GPR155: variants seen among roughly 807,000 people sequenced by gnomAD.
The protein encoded by GPR155 is G protein-coupled receptor 155, also known as lysosomal cholesterol signaling protein.
In GPR155, 65 loss-of-function variants were observed where a neutral mutation model predicts 93.1. The ratio of observed to expected loss-of-function variants is 0.70; its 90% confidence interval spans 0.57 to 0.86. GPR155 has a LOEUF of 0.86. Ranked by LOEUF, GPR155 falls within the 40% of genes least tolerant of loss-of-function variation. GPR155 has a pLI of 0.00. For synonymous variants in GPR155, 319 were observed against 360.1 expected, an observed-to-expected ratio of 0.89 and a Z score of 1.29; for missense variants, 838 against 1,034.8, an observed-to-expected ratio of 0.81 and a Z score of 2.61.
chr2:174,478,513 T>A (rs1213477440), intron 2 of GPR155, among the ~76,000 whole-genome samples: 3 of 152,182 alleles, frequency 2.0e-5, no homozygotes, highest in Non-Finnish European at 4.4e-5. Flanking sequence ...AGCCACCATG[T>A]CCAGCCTTCT....
At chr2:174,485,463 G>T (rs1350138582) in intron 1 of GPR155, among the ~76,000 whole-genome samples, 2 of 152,094 alleles carry the variant, frequency 1.3e-5, no homozygotes, top group Non-Finnish European at 2.9e-5. Flanking sequence ...CGGGCTTGGT[G>T]GCAGATGCCT....
In GPR155 at chr2:174,460,035, GGAT is replaced by G; in HGVS notation, c.1611_1613del (p.Ser538del). 6.2e-7 allele frequency: 1 copy of G among 1,613,964 alleles called. No individual in the cohort carries two copies. The highest frequency in any genetic ancestry group is 8.5e-7 in the Non-Finnish European group (1 of 1,179,994). ...GGGCAGTCTGGTTCATGCACATGAG[GGAT>G]ATGCCAGCTATCAGGATGCTGCAGA... On this transcript the variant is annotated inframe_deletion, in exon 10 of 16. Transcript: ENST00000392552.
At chr2:174,484,284 A>G (rs1688412139) in intron 1 of GPR155, among the ~76,000 whole-genome samples, 1 of 152,254 alleles carries the variant, frequency 6.6e-6, no homozygotes, top group African/African-American at 2.4e-5. Context: ...ACAGATACAC[A>G]TACTTGAAGT....
intron 3 of GPR155, among the ~76,000 whole-genome samples, 179 bp downstream of exon 3, chr2:174,472,786 G>A (rs1462997815): frequency 1.3e-5 from 2 of 152,102 alleles, no homozygotes; most frequent in Non-Finnish European, 2.9e-5. Context: ...ATAAGCTACT[G>A]GGAATAAGGA....
At chr2:174,459,559 T>C (rs545204816) in intron 10 of GPR155, among the ~76,000 whole-genome samples, 5 of 152,366 alleles carry the variant, frequency 3.3e-5, no homozygotes, top group Non-Finnish European at 7.3e-5. Flanking sequence ...AGTTTCTTTA[T>C]ATTTAAAGAT....
At chr2:174,473,430 A>C in intron 2 of GPR155, 66 bp from the exon 3 acceptor site, 1 of 1,076,244 alleles carries the variant, frequency 9.3e-7, no homozygotes, top group Admixed American at 2.5e-5. Context: ...TTATGTATAT[A>C]ACATTTTCTG....
In GPR155 at chr2:174,436,224, T is replaced by C. The variant is rs1308039305; in HGVS notation, c.2505A>G (p.Gln835=). 1.9e-6 allele frequency: 3 copies of C among 1,613,920 alleles called. No individual in the cohort carries two copies. The highest frequency in any genetic ancestry group is 2.2e-5 in the East Asian group (1 of 44,898). Residue 835 remains glutamine (Q), a synonymous_variant, in exon 16 of 16, where the codon CAA becomes CAG. Transcript: ENST00000392552. The stretch of plus-strand genomic sequence containing the variant: ...CAGGAGGACTCTGTTCAGGACTCTT[T>C]TGAAGAAATCTGTAAAACAAGTACT... The part of the protein sequence containing the change: ...RDEYLFYRFL[Q]KSPEQSPPAI...
chr2:174,438,289 G>A (rs1336340124), intron 15 of GPR155, among the ~76,000 whole-genome samples: 1 of 152,056 alleles, frequency 6.6e-6, no homozygotes, highest in Non-Finnish European at 1.5e-5. Flanking sequence ...GGCAGAGAAT[G>A]TGACACTGTA....
At chr2:174,442,987 C>T (rs993771736) in intron 13 of GPR155, among the ~76,000 whole-genome samples, 2 of 152,218 alleles carry the variant, frequency 1.3e-5, no homozygotes, top group Non-Finnish European at 2.9e-5. Flanking sequence ...CTGGCATTAG[C>T]TGCTGTTGAT....
At chr2:174,449,728 C>G (rs1276766867) in intron 11 of GPR155, among the ~76,000 whole-genome samples, 2 of 152,162 alleles carry the variant, frequency 1.3e-5, no homozygotes, top group East Asian at 3.9e-4. Flanking sequence ...GTAATCCTAG[C>G]ACTTTGGGAG....
At chr2:174,450,396 ATTTG>A (rs1409855417) in intron 11 of GPR155, among the ~76,000 whole-genome samples, 14 of 152,186 alleles carry the variant, frequency 9.2e-5, no homozygotes, top group African/African-American at 3.1e-4. Context: ...TGATGGGATC[ATTTG>A]TTTGTACCCC....
chr2:174,464,033 CTT>C (rs1279277477), intron 7 of GPR155, among the ~76,000 whole-genome samples: 1 of 152,160 alleles, frequency 6.6e-6, no homozygotes, highest in Non-Finnish European at 1.5e-5. Context: ...CAAAGGCAGT[CTT>C]TAAAATTCTA....
At chr2:174,483,383 A>C (rs541086984) in intron 1 of GPR155, among the ~76,000 whole-genome samples, 3 of 152,194 alleles carry the variant, frequency 2.0e-5, no homozygotes, top group Non-Finnish European at 4.4e-5. Context: ...TGAAATGTTA[A>C]AAAATACAAA....
At chr2:174,470,361 A>T (rs770338175) in intron 4 of GPR155, 29 bp downstream of exon 4, 1 of 1,560,788 alleles carries the variant, frequency 6.4e-7, no homozygotes, top group South Asian at 1.2e-5. Flanking sequence ...TAAACACACC[A>T]TCAAACTTAG....
chr2:174,465,924 G>T, intron 6 of GPR155, 22 bp from the exon 7 acceptor site: 3 of 1,138,472 alleles, frequency 2.6e-6, no homozygotes, highest in Non-Finnish European at 3.9e-6. Flanking sequence ...ATTATTAAAA[G>T]ACTTTGTAAA....
chr2:174,437,107 A>C (rs1348276234), intron 15 of GPR155, among the ~76,000 whole-genome samples: 1 of 152,214 alleles, frequency 6.6e-6, no homozygotes, highest in Non-Finnish European at 1.5e-5. Flanking sequence ...TCCTGATGCA[A>C]ATATGGGATG....
chr2:174,446,671 T>C lies in GPR155; in HGVS notation c.1953A>G (p.Gly651=). ...AQEEEQYLQS[G]DQQLTRHVLL... ...ACACATGTCGGGTCAGTTGCTGGTC[T>C]CCACTCTGTAGATACTGTTCTTCTT... is the stretch of plus-strand genomic sequence containing the variant. The change falls in exon 12 of 16, where the codon GGA becomes GGG. Residue 651 remains glycine (G), a synonymous_variant. Transcript: ENST00000392552. 6.2e-7 allele frequency: 1 copy of C among 1,613,996 alleles called. No individual in the cohort carries two copies. The highest frequency in any genetic ancestry group is 1.3e-5 in the African/African-American group (1 of 75,054).
chr2:174,444,166 C>T (rs1457617785), intron 13 of GPR155, among the ~76,000 whole-genome samples: 2 of 152,036 alleles, frequency 1.3e-5, no homozygotes, highest in Non-Finnish European at 2.9e-5. Context: ...CCTGTAATCC[C>T]AGCACTTTGG....
intron 2 of GPR155, among the ~76,000 whole-genome samples, chr2:174,478,190 A>G (rs548794363): frequency 6.6e-6 from 1 of 152,166 alleles, no homozygotes; most frequent in Non-Finnish European, 1.5e-5. Context: ...TGGATTTTTA[A>G]AAGTACTTTA....
Sources: gnomAD v4.1 joint callset for allele counts (sites outside exome capture counted in the v4.1 genomes callset) on GRCh38, gnomAD v4.1.1 for gene constraint, MANE v1.5 for transcripts, NCBI Gene and HGNC (gene_info 2026-07-23, HGNC 2026-07-21) for gene names.